USP32: variants seen among roughly 807,000 people sequenced by gnomAD.
USP32 encodes the protein ubiquitin carboxyl-terminal hydrolase 32.
In USP32, 59 loss-of-function variants were observed where a neutral mutation model predicts 204.8. That is an observed-to-expected ratio of 0.29 (90% CI 0.23 to 0.36). The LOEUF (loss-of-function observed/expected upper bound fraction) is 0.36, where lower values mean the gene tolerates loss of function less well. Among genes scored for constraint, USP32 ranks in the 10% least tolerant of loss-of-function variants. The pLI, the probability that USP32 is intolerant of heterozygous loss-of-function variation, is 1.00. For synonymous variants in USP32, 517 were observed against 678.4 expected, an observed-to-expected ratio of 0.76 and a Z score of 3.70; for missense variants, 1,160 against 1,946.4, an observed-to-expected ratio of 0.60 and a Z score of 7.60.
intron 5 of USP32, among the ~76,000 whole-genome samples, chr17:60,273,385 C>A (rs1185911327): frequency 6.6e-6 from 1 of 152,088 alleles, no homozygotes; most frequent in Non-Finnish European, 1.5e-5. Flanking sequence ...ACATTGGGAG[C>A]ATTTGTGAAC....
At chr17:60,348,939 T>C (rs1435621723) in intron 1 of USP32, among the ~76,000 whole-genome samples, 10 of 152,126 alleles carry the variant, frequency 6.6e-5, no homozygotes, top group Non-Finnish European at 2.9e-5. Flanking sequence ...AGGTACTTTA[T>C]TTAAAATTGG....
At chr17:60,239,969 T>G (rs1347712116) in intron 11 of USP32, among the ~76,000 whole-genome samples, 1 of 152,210 alleles carries the variant, frequency 6.6e-6, no homozygotes, top group Non-Finnish European at 1.5e-5. Flanking sequence ...ACTCCTGACC[T>G]CAAATTATCT....
chr17:60,392,855 AC>A (rs2089865226), upstream of USP32, among the ~76,000 whole-genome samples: 1 of 152,032 alleles, frequency 6.6e-6, no homozygotes, highest in African/African-American at 2.4e-5. Flanking sequence ...TGCCTCTTGT[AC>A]ACATTCTCTG....
intron 1 of USP32, among the ~76,000 whole-genome samples, chr17:60,346,884 C>T (rs2146008515): frequency 1.3e-5 from 2 of 152,322 alleles, no homozygotes; most frequent in South Asian, 4.2e-4. Flanking sequence ...TATCTTACTA[C>T]AGCAAAGCAC....
At chr17:60,363,183 G>A (rs544684542) in intron 1 of USP32, among the ~76,000 whole-genome samples, 18 of 151,608 alleles carry the variant, frequency 1.2e-4, no homozygotes, top group East Asian at 3.9e-4. Context: ...GGCCAGGCGC[G>A]GTGGCTCACA....
At chr17:60,308,217 C>A (rs914481177) in intron 2 of USP32, among the ~76,000 whole-genome samples, 1 of 152,302 alleles carries the variant, frequency 6.6e-6, no homozygotes, top group South Asian at 2.1e-4. Context: ...TGCAGAGGGT[C>A]TAATTGAGCT....
chr17:60,382,159 G>A (rs1036140065), intron 1 of USP32, among the ~76,000 whole-genome samples: 12 of 152,086 alleles, frequency 7.9e-5, no homozygotes, highest in African/African-American at 1.2e-4. Context: ...CTTTCCCCTC[G>A]AACTACCTGC....
At chr17:60,301,787 T>A in intron 2 of USP32, 83 bp from the exon 3 acceptor site, 1 of 886,716 alleles carries the variant, frequency 1.1e-6, no homozygotes, top group Non-Finnish European at 1.8e-6. Context: ...TAACAAATTT[T>A]ATCTCCACCT....
At chr17:60,216,060 TAAAC>T (rs1196768459) in intron 16 of USP32, among the ~76,000 whole-genome samples, 1 of 150,146 alleles carries the variant, frequency 6.7e-6, no homozygotes, top group Non-Finnish European at 1.5e-5. Context: ...CATGGCCAAA[TAAAC>T]AAGTGCCCAA....
rs531009476 is a variant in USP32, at chr17:60,336,482, G to A, written c.186+8999C>T. Among the ~76,000 whole-genome samples, 5 of 141,944 alleles carry A rather than the reference G, an allele frequency of 3.5e-5. 1 individual carries two copies. The highest frequency in any genetic ancestry group is 4.3e-4 in the South Asian group (2 of 4,682). 93.1% of individuals were successfully genotyped at this position (141,944 alleles called of 152,430 possible). On this transcript the variant is annotated intron_variant, in intron 2 of 33. Transcript: ENST00000300896. ...TGTAATCCCAGCACTTTGGGAGGCC[G>A]AGGCGGGCGGATCACGAGGTCAAGA...
chr17:60,336,106 C>G (rs1201388904), intron 2 of USP32, among the ~76,000 whole-genome samples: 1 of 142,588 alleles, frequency 7.0e-6, no homozygotes, highest in Non-Finnish European at 1.5e-5. Context: ...GTATGAATTA[C>G]TTCTTTAACA....
At chr17:60,391,556 GGATGGGCTGGAGCCGCCCAA>G (rs2089833906) in intron 1 of USP32, among the ~76,000 whole-genome samples, 1 of 152,168 alleles carries the variant, frequency 6.6e-6, no homozygotes, top group Non-Finnish European at 1.5e-5. Flanking sequence ...GAGGGGGGCT[GGATGGGCTGGAGCCGCCCAA>G]GAAAACGGGG....
chr17:60,281,904 A>C (rs1470103105), intron 5 of USP32, among the ~76,000 whole-genome samples: 1 of 152,166 alleles, frequency 6.6e-6, no homozygotes, highest in Non-Finnish European at 1.5e-5. Flanking sequence ...CACTTTCAAT[A>C]ATTTCTCCAA....
intron 5 of USP32, among the ~76,000 whole-genome samples, chr17:60,284,303 TCCCAGG>T (rs1306272210): frequency 6.7e-6 from 1 of 149,214 alleles, no homozygotes; most frequent in Non-Finnish European, 1.5e-5. Context: ...AACCCCCGCC[TCCCAGG>T]TTCAAGTGAT....
chr17:60,265,035 C>T (rs1012383800), intron 9 of USP32, among the ~76,000 whole-genome samples: 18 of 152,026 alleles, frequency 1.2e-4, no homozygotes, highest in African/African-American at 4.1e-4. Flanking sequence ...CTGTGTTCTT[C>T]GACTTCATAT....
chr17:60,243,939 G>C (rs2085942783), intron 11 of USP32, among the ~76,000 whole-genome samples: 1 of 150,166 alleles, frequency 6.7e-6, no homozygotes, highest in Non-Finnish European at 1.5e-5. Context: ...AGTGATTTTA[G>C]TTCACGTATG....
At chr17:60,255,048 C>CT (rs11324851) in intron 10 of USP32, 127 bp downstream of exon 10, 9,420 of 495,954 alleles carry the variant, frequency 0.019, 4 homozygotes, top group Middle Eastern at 0.022. Context: ...TAATGTAGTT[C>CT]TTTTTTTTTT....
At chr17:60,309,793 C>A (rs1567844677) in intron 2 of USP32, among the ~76,000 whole-genome samples, 1 of 152,022 alleles carries the variant, frequency 6.6e-6, no homozygotes, top group African/African-American at 2.4e-5. Flanking sequence ...TACCTGTAAT[C>A]CCAGCACCTT....
At chr17:60,204,466 CTTT>C (rs748141290) in intron 26 of USP32, among the ~76,000 whole-genome samples, 8 of 129,258 alleles carry the variant, frequency 6.2e-5, no homozygotes, top group Non-Finnish European at 6.7e-5. Flanking sequence ...TTAGGAGATA[CTTT>C]TTTTTTTTTT....
Sources: allele counts gnomAD v4.1 joint callset (sites outside exome capture counted in the v4.1 genomes callset), GRCh38; gene constraint gnomAD v4.1.1; transcripts MANE v1.5; gene names NCBI Gene and HGNC (gene_info 2026-07-23, HGNC 2026-07-21).